The following DOK6 variants were observed in gnomAD, a reference collection of about 807,000 sequenced individuals.
The protein encoded by DOK6 is docking protein 6, also known as downstream of tyrosine kinase 6.
DOK6 carries 22 observed loss-of-function variants against 44.0 expected under a neutral mutation model. The observed-to-expected ratio is 0.50, with a 90% CI of 0.36 to 0.71. The LOEUF (loss-of-function observed/expected upper bound fraction) is 0.71. DOK6 is among the 30% of genes least tolerant of loss of function. DOK6 has a pLI of 0.00. For missense variants in DOK6, 340 were observed against 416.4 expected (o/e 0.82, Z 1.60); for synonymous variants, 166 against 145.5 (o/e 1.14, Z -1.01).
chr18:69,506,260 A>G (rs931150596), intron 1 of DOK6, among the ~76,000 whole-genome samples: 10 of 152,180 alleles, frequency 6.6e-5, no homozygotes, highest in Non-Finnish European at 1.2e-4. Context: ...AAATTAAGGT[A>G]TGTTTACATG....
rs528751334 is a variant in DOK6, at chr18:69,445,362, G to A, written c.66+44052G>A. Among the ~76,000 whole-genome samples the A allele has an allele frequency of 2.6e-5, 4 of 152,060 alleles. No individual in the cohort carries two copies. The South Asian group carries it at 8.3e-4, about 32-fold the overall frequency. Reference sequence around the variant, plus strand: ...TGGCTAAAGTGTTCATCCTTTTCTTGTTCCTAGTCTTAGAGGGAAGGTTTT... The same window carrying A: ...TGGCTAAAGTGTTCATCCTTTTCTTATTCCTAGTCTTAGAGGGAAGGTTTT... On this transcript the variant is annotated intron_variant, in intron 1 of 7. Coordinates refer to ENST00000382713, the MANE Select transcript of DOK6 (RefSeq NM_152721.6).
At chr18:69,450,714 G>A (rs1348370810) in intron 1 of DOK6, among the ~76,000 whole-genome samples, 6 of 150,984 alleles carry the variant, frequency 4.0e-5, no homozygotes, top group Admixed American at 1.3e-4. Context: ...CGGATCTCTT[G>A]GCAGAAACCC....
At chr18:69,404,731 G>A (rs138541530) in intron 1 of DOK6, among the ~76,000 whole-genome samples, 3 of 152,114 alleles carry the variant, frequency 2.0e-5, no homozygotes, top group African/African-American at 7.2e-5. Flanking sequence ...TCAAACTCAG[G>A]TGAGAGATTG....
chr18:69,821,642 C>T (rs904106930), intron 7 of DOK6, among the ~76,000 whole-genome samples: 1 of 152,130 alleles, frequency 6.6e-6, no homozygotes, highest in Non-Finnish European at 1.5e-5. Flanking sequence ...AACAATGGCT[C>T]TAACAGGATA....
chr18:69,469,763 G>A (rs1026054199), intron 1 of DOK6: 3 of 243,094 alleles, frequency 1.2e-5, no homozygotes, highest in Admixed American at 4.8e-5. Flanking sequence ...CGCCATCGGC[G>A]AGGTTGGACA....
At chr18:69,712,352 T>G (rs1300289923) in intron 5 of DOK6, among the ~76,000 whole-genome samples, 1 of 132,628 alleles carries the variant, frequency 7.5e-6, no homozygotes, top group African/African-American at 2.8e-5. Context: ...ATCACATTTG[T>G]GTAGAAAATC....
At chr18:69,739,188 C>A (rs1395458037) in intron 6 of DOK6, 85 bp downstream of exon 6, 1 of 1,553,566 alleles carries the variant, frequency 6.4e-7, no homozygotes, top group Non-Finnish European at 8.7e-7. Flanking sequence ...TGGGGCCATT[C>A]ATGTCAGCGC....
chr18:69,622,488 G>T (rs1984465182), intron 3 of DOK6, among the ~76,000 whole-genome samples: 1 of 152,114 alleles, frequency 6.6e-6, no homozygotes, highest in Admixed American at 6.6e-5. Flanking sequence ...ATAAGCAACA[G>T]GATTTTTTGT....
chr18:69,644,487 C>T (rs4644945), intron 3 of DOK6, among the ~76,000 whole-genome samples: 52,081 of 152,034 alleles, frequency 0.34, 9,671 homozygotes, highest in Non-Finnish European at 0.42. Flanking sequence ...TGTCCAATTG[C>T]ACCAGTGCCA....
Position 69,749,087 on chromosome 18 carries a change from C to T in DOK6, c.739-8669C>T, listed in dbSNP as rs963512852. Among the ~76,000 whole-genome samples the T allele has an allele frequency of 7.9e-5, 12 of 151,614 alleles. 1 individual carries two copies. The South Asian group carries it at 1.7e-3, about 21-fold the overall frequency. On this transcript the variant is annotated intron_variant, in intron 6 of 7. Transcript: ENST00000382713. ...ACCAAATACCACATGTCCTCACTTG[C>T]GAGTGGGAACTGAACAATGAGAACA...
intron 1 of DOK6, among the ~76,000 whole-genome samples, chr18:69,557,573 G>T (rs946954546): frequency 2.0e-5 from 3 of 152,218 alleles, no homozygotes; most frequent in South Asian, 4.1e-4. Context: ...CATGCTGGCT[G>T]GCTGGTTAAC....
At chr18:69,503,975 A>G (rs922856082) in intron 1 of DOK6, among the ~76,000 whole-genome samples, 4 of 152,088 alleles carry the variant, frequency 2.6e-5, no homozygotes, top group African/African-American at 9.6e-5. Context: ...AACTATCGAG[A>G]ATTCTGAATG....
At chr18:69,504,755 A>T (rs1981137072) in intron 1 of DOK6, among the ~76,000 whole-genome samples, 1 of 152,206 alleles carries the variant, frequency 6.6e-6, no homozygotes, top group Non-Finnish European at 1.5e-5. Context: ...ACACAGGAAT[A>T]ATTAAGAGAA....
At chr18:69,737,338 G>A (rs1336582056) in intron 5 of DOK6, among the ~76,000 whole-genome samples, 1 of 152,128 alleles carries the variant, frequency 6.6e-6, no homozygotes, top group Non-Finnish European at 1.5e-5. Flanking sequence ...AGCAAAGGAA[G>A]AACTTCCAAA....
intron 1 of DOK6, among the ~76,000 whole-genome samples, chr18:69,550,867 G>A (rs558099872): frequency 3.4e-5 from 5 of 145,600 alleles, no homozygotes; most frequent in African/African-American, 5.1e-5. Context: ...CACTGAAACC[G>A]CTGCCTCTGG....
intron 3 of DOK6, among the ~76,000 whole-genome samples, chr18:69,658,215 G>A (rs560191449): frequency 1.3e-5 from 2 of 152,072 alleles, no homozygotes; most frequent in Non-Finnish European, 2.9e-5. Flanking sequence ...GACTCTCAGA[G>A]AGCTGGGAAT....
chr18:69,697,418 T>G (rs35409020), intron 4 of DOK6, among the ~76,000 whole-genome samples: 14,091 of 143,392 alleles, frequency 0.098, 955 homozygotes, highest in African/African-American at 0.21. Flanking sequence ...AAGTTTTTCT[T>G]ATGACTTTTT....
At chr18:69,562,571 T>A (rs932290564) in intron 1 of DOK6, among the ~76,000 whole-genome samples, 1 of 152,204 alleles carries the variant, frequency 6.6e-6, no homozygotes, top group Non-Finnish European at 1.5e-5. Flanking sequence ...ATTTACTAAA[T>A]GGTGCTGGGA....
At chr18:69,717,319 A>G (rs1285699205) in intron 5 of DOK6, among the ~76,000 whole-genome samples, 2 of 152,210 alleles carry the variant, frequency 1.3e-5, no homozygotes, top group African/African-American at 4.8e-5. Context: ...TATATTTCTC[A>G]GTGGGTAAAA....
Sources: allele counts gnomAD v4.1 joint callset (sites outside exome capture counted in the v4.1 genomes callset), GRCh38; gene constraint gnomAD v4.1.1; transcripts MANE v1.5; gene names NCBI Gene and HGNC (gene_info 2026-07-23, HGNC 2026-07-21).